The following NEBL variants were observed in gnomAD, a reference collection of about 807,000 sequenced individuals.
NEBL encodes nebulette.
In NEBL, 122 loss-of-function variants were observed where a neutral mutation model predicts 140.2. The observed-to-expected ratio is 0.87, with a 90% CI of 0.75 to 1.01. NEBL has a LOEUF of 1.01. NEBL is among the 50% of genes least tolerant of loss of function. The pLI is 0.00. For missense variants in NEBL, 1,365 were observed against 1,231.3 expected, an observed-to-expected ratio of 1.11 and a Z score of -1.62; for synonymous variants, 436 against 398.9, an observed-to-expected ratio of 1.09 and a Z score of -1.11.
upstream of NEBL, among the ~76,000 whole-genome samples, chr10:21,177,705 T>A (rs185101994): frequency 6.6e-5 from 10 of 152,194 alleles, 1 homozygote; most frequent in East Asian, 1.9e-3. Context: ...AATTTTTGTA[T>A]TTTTAGTAGA....
intron 4 of NEBL, among the ~76,000 whole-genome samples, chr10:20,924,266 C>T (rs955810100): frequency 6.6e-6 from 1 of 151,890 alleles, no homozygotes; most frequent in Non-Finnish European, 1.5e-5. Context: ...GTCAATAATG[C>T]CAGGATTGAG....
chr10:20,919,982 C>A (rs181862674), intron 4 of NEBL, among the ~76,000 whole-genome samples: 1 of 151,856 alleles, frequency 6.6e-6, no homozygotes. Context: ...AAAAAATCAA[C>A]AACCCAATAT....
At chr10:20,887,992 G>T (rs1331653707) in intron 4 of NEBL, 105 bp downstream of exon 4, 3 of 798,612 alleles carry the variant, frequency 3.8e-6, no homozygotes, top group Non-Finnish European at 6.5e-6. Flanking sequence ...CTTTCATTTG[G>T]TATTTAACAC....
chr10:21,101,899 G>T (rs1284622063), intron 2 of NEBL, among the ~76,000 whole-genome samples: 1 of 152,214 alleles, frequency 6.6e-6, no homozygotes, highest in East Asian at 1.9e-4. Context: ...ATCACGCTTT[G>T]ACTAGCCAGC....
chr10:21,278,695 G>A (rs1361086785), intron 1 of NEBL, among the ~76,000 whole-genome samples: 1 of 152,208 alleles, frequency 6.6e-6, no homozygotes, highest in Non-Finnish European at 1.5e-5. Flanking sequence ...AAGGGACAGA[G>A]GAAGAGAAGG....
chr10:21,162,653 A>G (rs1840602853), intron 2 of NEBL, among the ~76,000 whole-genome samples: 1 of 152,206 alleles, frequency 6.6e-6, no homozygotes, highest in Admixed American at 6.6e-5. Flanking sequence ...GAGAATATCT[A>G]TGGTCCAATT....
At chr10:20,821,464 G>T (rs1181671552) in intron 19 of NEBL, among the ~76,000 whole-genome samples, 1 of 151,976 alleles carries the variant, frequency 6.6e-6, no homozygotes, top group Non-Finnish European at 1.5e-5. Context: ...TCTGCCATTT[G>T]CATGCCCCTT....
chr10:21,038,913 G>T (rs907869510), intron 2 of NEBL, among the ~76,000 whole-genome samples: 1 of 152,118 alleles, frequency 6.6e-6, no homozygotes, highest in African/African-American at 2.4e-5. Context: ...TCAAACTGGC[G>T]TGAGATGGTA....
intron 8 of NEBL, among the ~76,000 whole-genome samples, chr10:20,858,861 C>CTT (rs1307691724): frequency 2.0e-5 from 3 of 152,138 alleles, no homozygotes; most frequent in Non-Finnish European, 4.4e-5. Flanking sequence ...TGAATCTCCA[C>CTT]AATAACCTCT....
At chr10:21,117,194 G>C (rs189669280) in intron 2 of NEBL, among the ~76,000 whole-genome samples, 173 of 151,966 alleles carry the variant, frequency 1.1e-3, no homozygotes, top group African/African-American at 4.0e-3. Context: ...CCCACCAGGA[G>C]ACAATGGTTC....
chr10:20,865,382 C>G (rs1294340057), intron 7 of NEBL, among the ~76,000 whole-genome samples: 1 of 152,116 alleles, frequency 6.6e-6, no homozygotes, highest in African/African-American at 2.4e-5. Context: ...CCCTATTTTA[C>G]AAATGAGGAA....
At chr10:21,089,923 T>G (rs1433123864) in intron 2 of NEBL, among the ~76,000 whole-genome samples, 1 of 152,186 alleles carries the variant, frequency 6.6e-6, no homozygotes, top group East Asian at 1.9e-4. Flanking sequence ...TTAAAAATGA[T>G]TACACATCAT....
chr10:20,794,655 G>A (rs1178876739), intron 26 of NEBL, among the ~76,000 whole-genome samples: 2 of 152,200 alleles, frequency 1.3e-5, no homozygotes, highest in African/African-American at 4.8e-5. Context: ...GTATACCCCT[G>A]TGAAAGTTAG....
At chr10:20,959,789 TA>T (rs1169914106) in intron 4 of NEBL, among the ~76,000 whole-genome samples, 5 of 151,660 alleles carry the variant, frequency 3.3e-5, no homozygotes, top group Non-Finnish European at 1.5e-5. Context: ...GTTTTTTTTT[TA>T]AAAAAAGATG....
intron 4 of NEBL, among the ~76,000 whole-genome samples, chr10:20,919,082 T>C (rs1371797334): frequency 6.6e-6 from 1 of 152,144 alleles, no homozygotes; most frequent in East Asian, 1.9e-4. Flanking sequence ...TAAGATGCAA[T>C]ATGATAATTA....
chr10:20,781,464 G>A lies in NEBL; in HGVS notation c.*4283C>T, dbSNP rs11012338. 0.055 allele frequency: 8,389 copies of A among 152,208 alleles called. 337 individuals carry two copies. Among genetic ancestry groups the A allele is most frequent in the Admixed American group, 0.098 (1,494 of 15,274 alleles). 9.4% of individuals were successfully genotyped at this position (152,208 alleles called of 1,614,324 possible). A position where few individuals can be genotyped will look rare whatever the true frequency, so the allele number is the denominator to read the frequency against. On this transcript the variant is annotated 3_prime_UTR_variant, in exon 28 of 28. Transcript: ENST00000377122. ...CTTCCTAAATGCTCAGCAATTCATT[G>A]CATGGACACTGGAGAATGGGACTGT...
chr10:20,996,598 C>T (rs192454531), intron 3 of NEBL, among the ~76,000 whole-genome samples: 6 of 152,234 alleles, frequency 3.9e-5, no homozygotes, highest in Admixed American at 2.0e-4. Context: ...GTGGCGGAGA[C>T]AAATTGAAAC....
intron 4 of NEBL, among the ~76,000 whole-genome samples, chr10:20,886,497 C>A (rs1425111487): frequency 6.6e-6 from 1 of 152,016 alleles, no homozygotes; most frequent in Non-Finnish European, 1.5e-5. Context: ...CCACTGCATT[C>A]CAGCCTGGGT....
chr10:20,910,611 G>A (rs1268201017), intron 4 of NEBL, among the ~76,000 whole-genome samples: 1 of 151,996 alleles, frequency 6.6e-6, no homozygotes, highest in African/African-American at 2.4e-5. Context: ...GTGGGCAGTG[G>A]AAAGCATGCA....
Sources: allele counts gnomAD v4.1 joint callset (sites outside exome capture counted in the v4.1 genomes callset), GRCh38; gene constraint gnomAD v4.1.1; transcripts MANE v1.5; gene names NCBI Gene and HGNC (gene_info 2026-07-23, HGNC 2026-07-21).